CEP128: variants seen among roughly 807,000 people sequenced by gnomAD.
The protein encoded by CEP128 is centrosomal protein 128kDa.
In CEP128, 132 loss-of-function variants were observed where a neutral mutation model predicts 156.7. That is an observed-to-expected ratio of 0.84 (90% CI 0.73 to 0.97). CEP128 has a LOEUF of 0.97. CEP128 is among the 50% of genes least tolerant of loss of function. The pLI is 0.00. For synonymous variants in CEP128, 469 were observed against 448.9 expected (o/e 1.04, Z -0.57); for missense variants, 1,252 against 1,281.9 (o/e 0.98, Z 0.36).
chr14:80,534,851 G>C (rs1220400856), intron 21 of CEP128, among the ~76,000 whole-genome samples: 2 of 148,292 alleles, frequency 1.3e-5, no homozygotes, highest in Non-Finnish European at 3.0e-5. Context: ...AAAAAAGGGA[G>C]CAAAGTTTAT....
chr14:80,899,458 T>TTGACAAAA (rs1401725715), intron 7 of CEP128, among the ~76,000 whole-genome samples: 1 of 152,208 alleles, frequency 6.6e-6, no homozygotes, highest in Non-Finnish European at 1.5e-5. Context: ...CTATCCAGAA[T>TTGACAAAA]TGACAAAATT....
intron 13 of CEP128, among the ~76,000 whole-genome samples, chr14:80,805,745 C>A (rs1884138772): frequency 6.6e-6 from 1 of 152,094 alleles, no homozygotes; most frequent in Non-Finnish European, 1.5e-5. Context: ...TTTCCACAGT[C>A]AGAACTAAGG....
At chr14:80,710,589 T>C (rs1426408806) in intron 19 of CEP128, among the ~76,000 whole-genome samples, 1 of 152,122 alleles carries the variant, frequency 6.6e-6, no homozygotes, top group African/African-American at 2.4e-5. Flanking sequence ...CATTAAGTAC[T>C]ATACAACTGA....
At position 80,580,537 on chromosome 14, in the gene CEP128, T is replaced by G; in HGVS notation, c.2807-114A>C. On this transcript the variant is annotated intron_variant, in intron 19 of 24. Coordinates refer to ENST00000555265, the MANE Select transcript of CEP128 (RefSeq NM_152446.5). ...ATAAACTGTTGCCTGAGAAGAGAAT[T>G]TAATGTTTAAGTGTGAGAAGCCATG... 7.7e-6 allele frequency: 5 copies of G among 652,838 alleles called. No homozygotes were observed. The South Asian group carries it at 1.0e-4, about 13-fold the overall frequency. 40.4% of individuals were successfully genotyped at this position (652,838 alleles called of 1,614,324 possible).
chr14:80,816,447 T>C (rs1478118026), intron 13 of CEP128, among the ~76,000 whole-genome samples: 1 of 152,000 alleles, frequency 6.6e-6, no homozygotes, highest in African/African-American at 2.4e-5. Context: ...GGAGACCCAA[T>C]TACCCATACT....
chr14:80,664,325 A>G (rs1475302195), intron 19 of CEP128, among the ~76,000 whole-genome samples: 1 of 152,158 alleles, frequency 6.6e-6, no homozygotes, highest in Admixed American at 6.5e-5. Flanking sequence ...CAGGGCTTGA[A>G]AACAACCAAA....
At chr14:80,520,910 C>T (rs1888713155) in intron 23 of CEP128, among the ~76,000 whole-genome samples, 1 of 151,960 alleles carries the variant, frequency 6.6e-6, no homozygotes, top group Non-Finnish European at 1.5e-5. Context: ...GCAAGCTCTG[C>T]CTCCCAGGTT....
At chr14:80,744,845 G>A (rs577275742) in intron 18 of CEP128, among the ~76,000 whole-genome samples, 9 of 152,246 alleles carry the variant, frequency 5.9e-5, no homozygotes, top group Admixed American at 5.9e-4. Context: ...CTGATAGGAT[G>A]GTTACCCTAC....
intron 14 of CEP128, among the ~76,000 whole-genome samples, chr14:80,484,671 A>T (rs1254182202): frequency 6.6e-6 from 1 of 152,202 alleles, no homozygotes; most frequent in African/African-American, 2.4e-5. Flanking sequence ...AGGACAAAAG[A>T]AGATACCACT....
intron 8 of CEP128, among the ~76,000 whole-genome samples, chr14:80,887,841 C>A (rs948819083): frequency 6.6e-6 from 1 of 152,100 alleles, no homozygotes; most frequent in Non-Finnish European, 1.5e-5. Context: ...AATTCAGGAG[C>A]TGGTTTTTTG....
intron 19 of CEP128, among the ~76,000 whole-genome samples, chr14:80,667,995 T>A (rs1486432260): frequency 6.6e-6 from 1 of 152,004 alleles, no homozygotes; most frequent in Non-Finnish European, 1.5e-5. Flanking sequence ...AAAACAACAG[T>A]GATGCTGATG....
chr14:80,656,181 G>C (rs1351069075), intron 19 of CEP128, among the ~76,000 whole-genome samples: 2 of 149,576 alleles, frequency 1.3e-5, no homozygotes, highest in Non-Finnish European at 3.0e-5. Flanking sequence ...TTTCTATAAG[G>C]ATGTTCTCCA....
chr14:80,639,888 C>T (rs963125679), intron 19 of CEP128, among the ~76,000 whole-genome samples: 21 of 152,062 alleles, frequency 1.4e-4, no homozygotes, highest in African/African-American at 4.3e-4. Flanking sequence ...CCAAGTTAAA[C>T]GCAGTCTCTC....
rs142127087 is a variant in CEP128, at chr14:80,559,336, G to A, written c.2857-34C>T. ...AAAGCATAATATATAATTATAAAAC[G>A]AAGGCTGTTTAAAATTGTTTCAAGT... On this transcript the variant is annotated intron_variant, in intron 20 of 24. Coordinates refer to ENST00000555265, the MANE Select transcript of CEP128 (RefSeq NM_152446.5). 1,211 of 1,550,372 alleles carry A rather than the reference G, an allele frequency of 7.8e-4. 5 individuals are homozygous for A. The African/African-American group carries it at 0.014, about 18-fold the overall frequency.
At chr14:80,595,830 G>A (rs922786496) in intron 19 of CEP128, among the ~76,000 whole-genome samples, 6 of 152,140 alleles carry the variant, frequency 3.9e-5, no homozygotes, top group South Asian at 2.1e-4. Context: ...GCAAAGTCAC[G>A]TCTTACACGG....
At chr14:80,487,608 T>C (rs1029783584), downstream of CEP128, among the ~76,000 whole-genome samples, 19 of 152,234 alleles carry the variant, frequency 1.2e-4, no homozygotes, top group East Asian at 5.8e-4. Flanking sequence ...TACTCCAAAA[T>C]TGACCACATA....
At chr14:80,957,812 AAG>A (rs1474944033) in intron 2 of CEP128, 5 of 152,208 alleles carry the variant, frequency 3.3e-5, no homozygotes, top group Admixed American at 1.3e-4. Flanking sequence ...TTCTGGGTAA[AAG>A]AGAATGTTCA....
chr14:80,921,961 CAA>C (rs369072626), intron 2 of CEP128, among the ~76,000 whole-genome samples: 3 of 131,292 alleles, frequency 2.3e-5, no homozygotes. Flanking sequence ...GACTCCATCC[CAA>C]AAAAAAAAAA....
intron 18 of CEP128, among the ~76,000 whole-genome samples, chr14:80,748,518 G>A (rs560679698): frequency 1.3e-5 from 2 of 152,290 alleles, no homozygotes; most frequent in South Asian, 4.1e-4. Context: ...AAATCAAGAG[G>A]TTGTTACAGT....
Sources: allele counts gnomAD v4.1 joint callset (sites outside exome capture counted in the v4.1 genomes callset), GRCh38; gene constraint gnomAD v4.1.1; transcripts MANE v1.5; gene names NCBI Gene and HGNC (gene_info 2026-07-23, HGNC 2026-07-21).